The following ROBO1 variants were observed in gnomAD, a reference collection of about 807,000 sequenced individuals.
ROBO1 encodes the protein roundabout guidance receptor 1.
ROBO1 carries 149 observed loss-of-function variants against 195.9 expected under a neutral mutation model. The observed-to-expected ratio is 0.76, with a 90% CI of 0.67 to 0.87. The LOEUF is 0.87. Among genes scored for constraint, ROBO1 ranks in the 40% least tolerant of loss-of-function variants. The pLI is 0.00. For synonymous variants in ROBO1, 816 were observed against 733.2 expected (o/e 1.11, Z -1.82); for missense variants, 1,933 against 2,068.3 (o/e 0.93, Z 1.27).
intron 26 of ROBO1, among the ~76,000 whole-genome samples, chr3:78,618,847 C>T (rs953834559): frequency 2.0e-5 from 3 of 152,062 alleles, no homozygotes; most frequent in Admixed American, 1.3e-4. Context: ...TTGGTTTCAA[C>T]CAACTCTCTG....
intron 3 of ROBO1, among the ~76,000 whole-genome samples, chr3:79,057,603 TC>T (rs1432984330): frequency 6.6e-6 from 1 of 152,034 alleles, no homozygotes; most frequent in African/African-American, 2.4e-5. Flanking sequence ...CCTAAAAATT[TC>T]ACCATTTCTA....
intron 4 of ROBO1, among the ~76,000 whole-genome samples, chr3:78,894,918 A>G (rs2037141454): frequency 6.6e-6 from 1 of 152,258 alleles, no homozygotes; most frequent in Non-Finnish European, 1.5e-5. Flanking sequence ...CACACGGAAC[A>G]AAGCTATCTA....
intron 4 of ROBO1, among the ~76,000 whole-genome samples, chr3:78,890,949 C>T (rs990136278): frequency 6.6e-6 from 1 of 152,198 alleles, no homozygotes; most frequent in African/African-American, 2.4e-5. Flanking sequence ...GACATGGAGT[C>T]TTGTTATGTT....
At chr3:79,434,960 A>G (rs1170546033) in intron 2 of ROBO1, among the ~76,000 whole-genome samples, 1 of 152,174 alleles carries the variant, frequency 6.6e-6, no homozygotes, top group Non-Finnish European at 1.5e-5. Context: ...AACTATCGCA[A>G]GGACAAAAAA....
Position 78,635,800 on chromosome 3 carries a change from T to C in ROBO1, c.3346A>G (p.Ile1116Val). ...TTGTTCAGCTTGTTTTGCTCCACGA[T>C]GTTGTACTGAACTGGTGCCACTTCT... ...KQEVAPVQYNIVEQNKLNKDY... is the reference protein window; with the variant it reads ...KQEVAPVQYNVVEQNKLNKDY... The change falls in exon 23 of 31, where the codon ATC (isoleucine) becomes GTC (valine). Residue 1116 changes from isoleucine to valine, a missense_variant. By Grantham distance (29) the Ile-to-Val change is conservative. Transcript: ENST00000464233. 1 of 1,613,826 alleles carries C rather than the reference T, an allele frequency of 6.2e-7. No individual in the cohort carries two copies.
At chr3:78,857,478 A>T (rs1050141675) in intron 4 of ROBO1, among the ~76,000 whole-genome samples, 2 of 152,152 alleles carry the variant, frequency 1.3e-5, no homozygotes, top group Non-Finnish European at 2.9e-5. Flanking sequence ...AATAGCCCCA[A>T]AGATGTCAAC....
intron 4 of ROBO1, among the ~76,000 whole-genome samples, chr3:78,821,406 C>T (rs968528866): frequency 2.4e-4 from 36 of 151,920 alleles, no homozygotes; most frequent in African/African-American, 7.3e-4. Context: ...CTTCTTGATC[C>T]GCCTGCCTCA....
At chr3:78,861,368 C>T (rs537362367) in intron 4 of ROBO1, among the ~76,000 whole-genome samples, 39 of 152,260 alleles carry the variant, frequency 2.6e-4, no homozygotes, top group African/African-American at 7.7e-4. Context: ...GCTTCTAATA[C>T]GCCTTCTGCA....
chr3:78,740,465 TC>T (rs2082501691), intron 5 of ROBO1, among the ~76,000 whole-genome samples: 3 of 150,860 alleles, frequency 2.0e-5, no homozygotes, highest in East Asian at 1.9e-4. Context: ...TTTCTTTCTT[TC>T]TTTCTTTCTT....
At chr3:79,387,792 AC>A in intron 2 of ROBO1, among the ~76,000 whole-genome samples, 1 of 152,204 alleles carries the variant, frequency 6.6e-6, no homozygotes, top group East Asian at 1.9e-4. Flanking sequence ...AATGTTTGAA[AC>A]TTTGCAATAG....
At chr3:78,988,749 T>C (rs1012726799) in intron 3 of ROBO1, among the ~76,000 whole-genome samples, 1 of 152,172 alleles carries the variant, frequency 6.6e-6, no homozygotes, top group African/African-American at 2.4e-5. Flanking sequence ...GGCTGTTACA[T>C]TCCATCAAAA....
At chr3:79,386,713 A>T (rs1350431289) in intron 2 of ROBO1, among the ~76,000 whole-genome samples, 2 of 152,124 alleles carry the variant, frequency 1.3e-5, no homozygotes, top group Admixed American at 6.6e-5. Flanking sequence ...AATACTTCCA[A>T]ATAAATGCTG....
chr3:79,725,805 C>T (rs1702898724), intron 1 of ROBO1, among the ~76,000 whole-genome samples: 1 of 151,828 alleles, frequency 6.6e-6, no homozygotes. Flanking sequence ...TTAACTGATA[C>T]TGAATATATG....
At chr3:79,725,806 T>C (rs1466504025) in intron 1 of ROBO1, among the ~76,000 whole-genome samples, 3 of 152,138 alleles carry the variant, frequency 2.0e-5, no homozygotes, top group African/African-American at 7.2e-5. Context: ...TAACTGATAC[T>C]GAATATATGC....
chr3:78,898,230 A>T (rs2037357972), intron 4 of ROBO1, among the ~76,000 whole-genome samples: 1 of 150,264 alleles, frequency 6.7e-6, no homozygotes. Flanking sequence ...TAATAAATAT[A>T]AAAAATATAC....
chr3:79,340,751 AT>A (rs2034875661), intron 2 of ROBO1, among the ~76,000 whole-genome samples: 1 of 152,204 alleles, frequency 6.6e-6, no homozygotes, highest in African/African-American at 2.4e-5. Flanking sequence ...AAAACCAGAT[AT>A]AACCAATTTT....
At chr3:79,757,430 A>G (rs1475504929) in intron 1 of ROBO1, among the ~76,000 whole-genome samples, 2 of 152,032 alleles carry the variant, frequency 1.3e-5, no homozygotes, top group Non-Finnish European at 2.9e-5. Context: ...TATAAGCAAC[A>G]GGCAGAACCA....
intron 4 of ROBO1, among the ~76,000 whole-genome samples, chr3:78,823,099 A>G (rs1421787589): frequency 6.6e-6 from 1 of 152,182 alleles, no homozygotes; most frequent in African/African-American, 2.4e-5. Context: ...GTCTTTAATC[A>G]AGCTACTTTT....
intron 3 of ROBO1, among the ~76,000 whole-genome samples, chr3:78,978,531 A>G (rs1279216048): frequency 1.3e-5 from 2 of 152,092 alleles, no homozygotes; most frequent in African/African-American, 4.8e-5. Flanking sequence ...GTGACATTAT[A>G]AAGTAGGTAA....
Sources: gnomAD v4.1 joint callset for allele counts (sites outside exome capture counted in the v4.1 genomes callset) on GRCh38, gnomAD v4.1.1 for gene constraint, MANE v1.5 for transcripts, NCBI Gene and HGNC (gene_info 2026-07-23, HGNC 2026-07-21) for gene names.